Variants in SLC6A14 observed in about 807,000 individuals in gnomAD.
SLC6A14 encodes the protein solute carrier family 6 member 14.
SLC6A14 carries 21 observed loss-of-function variants against 51.4 expected under a neutral mutation model. The observed-to-expected ratio is 0.41, with a 90% CI of 0.29 to 0.59. The LOEUF (loss-of-function observed/expected upper bound fraction) is 0.59. Ranked by LOEUF, SLC6A14 falls within the 20% of genes least tolerant of loss-of-function variation. The pLI is 0.31. For missense variants in SLC6A14, 371 were observed against 472.8 expected, an observed-to-expected ratio of 0.78 and a Z score of 2.00; for synonymous variants, 177 against 160.7, an observed-to-expected ratio of 1.10 and a Z score of -0.77.
chrX:116,454,491 T>G (rs782027241), intron 10 of SLC6A14, 49 bp downstream of exon 10: 1 of 746,797 alleles, frequency 1.3e-6, no homozygotes, highest in Non-Finnish European at 2.0e-6. Flanking sequence ...TGGAACATAC[T>G]TTATAACCTA....
At position 116,443,642 on chromosome X, in the gene SLC6A14, G is replaced by T; in HGVS notation, c.509-1G>T. On this transcript the variant is annotated splice_acceptor_variant, in intron 4 of 13. Transcript: ENST00000598581. LOFTEE classifies it high-confidence loss of function. ...GTGTCTATATTTTTTATCCTCTTTA[G>T]TAACTCACTGTAATGTGAGTACAGT... 8.9e-7 allele frequency: 1 copy of T among 1,122,981 alleles called. No individual in the cohort carries two copies. The highest frequency in any genetic ancestry group is 3.2e-5 in the East Asian group (1 of 30,992). 92.5% of individuals were successfully genotyped at this position (1,122,981 alleles called of 1,213,427 possible).
In SLC6A14 at chrX:116,446,197, A is replaced by C. The variant is rs1341270603; in HGVS notation, c.790-544A>C. Among the ~76,000 whole-genome samples the C allele has an allele frequency of 2.9e-5, 3 of 103,737 alleles. No homozygotes were observed. In the East Asian group the frequency reaches 8.6e-4, roughly 30 times the overall value. The allele number at this position is 103,737 out of a possible 115,157, so 90.1% of individuals were successfully genotyped here. On this transcript the variant is annotated intron_variant, in intron 6 of 13. Transcript: ENST00000598581. ...TGGAACCATGTGTTATCTAGTACAG[A>C]AGCAGAGCACTTGTATGTATGCTAT...
At chrX:116,437,308 G>T (rs1462697509) in intron 1 of SLC6A14, among the ~76,000 whole-genome samples, 1 of 108,409 alleles carries the variant, frequency 9.2e-6, no homozygotes, top group Non-Finnish European at 1.9e-5. Context: ...ATAGATTCTC[G>T]TTTTTTTTTC....
intron 2 of SLC6A14, among the ~76,000 whole-genome samples, chrX:116,438,528 A>C (rs944014672): frequency 3.6e-5 from 4 of 112,293 alleles, no homozygotes; most frequent in African/African-American, 9.7e-5. Flanking sequence ...TTCTAAAATG[A>C]AATAATTTAG....
At position 116,457,669 on chromosome X, in the gene SLC6A14, C is replaced by T. The variant is rs782032055; in HGVS notation, c.1675C>T (p.Pro559Ser). 8.3e-7 allele frequency: 1 copy of T among 1,205,040 alleles called. No homozygotes were observed. Among genetic ancestry groups the T allele is most frequent in the South Asian group, 1.8e-5 (1 of 56,721 alleles). The change falls in exon 13 of 14, where the codon CCT becomes TCT. Residue 559 changes from proline to serine, a missense_variant. Coordinates refer to ENST00000598581, the MANE Select transcript of SLC6A14 (RefSeq NM_007231.5). ...HRPNYGAIPY[P>S]DWGVALGWCM... is the part of the protein sequence containing the mutation. ...ACCTAATTATGGCGCAATTCCATAC[C>T]CTGACTGGGGAGTTGCTTTAGGCTG...
chrX:116,450,133 G>C (rs1344791978), intron 7 of SLC6A14, among the ~76,000 whole-genome samples: 1 of 111,324 alleles, frequency 9.0e-6, no homozygotes, highest in African/African-American at 3.3e-5. Flanking sequence ...TATAGTCAAA[G>C]ATGGATACCT....
chrX:116,442,224 C>T (rs1182175367), intron 3 of SLC6A14, among the ~76,000 whole-genome samples: 1 of 111,535 alleles, frequency 9.0e-6, no homozygotes, highest in Non-Finnish European at 1.9e-5. Context: ...ACAGCATTAG[C>T]CCCTACTCTC....
intron 12 of SLC6A14, among the ~76,000 whole-genome samples, chrX:116,456,588 A>G (rs1010078404): frequency 1.9e-4 from 21 of 111,184 alleles, no homozygotes; most frequent in Non-Finnish European, 3.0e-4. Context: ...TTTAAAATGC[A>G]AAAGTATTAG....
At chrX:116,453,280 T>A in intron 9 of SLC6A14, 138 bp downstream of exon 9, 1 of 438,480 alleles carries the variant, frequency 2.3e-6, no homozygotes, top group Non-Finnish European at 3.5e-6. Context: ...AAAGTTGCTT[T>A]AAATAAAATT....
intron 13 of SLC6A14, among the ~76,000 whole-genome samples, chrX:116,458,233 A>T (rs1486810303): frequency 2.7e-5 from 3 of 111,831 alleles, no homozygotes; most frequent in Non-Finnish European, 5.7e-5. Context: ...CTCGAACCCA[A>T]TCTAGAGCCT....
chrX:116,445,722 A>G (rs1456845381), intron 6 of SLC6A14, among the ~76,000 whole-genome samples: 1 of 111,656 alleles, frequency 9.0e-6, no homozygotes, highest in East Asian at 2.8e-4. Flanking sequence ...AGAAAACAAC[A>G]TGAAATTTTC....
Position 116,443,723 on chromosome X carries a change from A to T in SLC6A14, c.589A>T (p.Asn197Tyr), listed in dbSNP as rs1927646826. The T allele has an allele frequency of 8.3e-7, 1 of 1,207,225 alleles. No homozygotes were observed. The highest frequency in any genetic ancestry group is 1.8e-5 in the South Asian group (1 of 56,489). ...QMNKSWVDIN[N>Y]FTCINGSEIY... Reference sequence around the variant, plus strand: ...GAATAAAAGCTGGGTAGACATCAACAATTTTACCTGCATCAACGGCAGTGA... The same window carrying T: ...GAATAAAAGCTGGGTAGACATCAACTATTTTACCTGCATCAACGGCAGTGA... The change falls in exon 5 of 14, where the codon AAT (asparagine) becomes TAT (tyrosine). Residue 197 changes from asparagine (N) to tyrosine (Y), a missense_variant. Physicochemically the swap from Asn to Tyr is moderately radical, Grantham distance 143. This residue lies in a region of SLC6A14 where 277 missense variants were observed against 391.8 expected (regional missense o/e 0.71). Coordinates refer to ENST00000598581, the MANE Select transcript of SLC6A14 (RefSeq NM_007231.5).
At chrX:116,457,863 A>T in intron 13 of SLC6A14, 87 bp downstream of exon 13, 1 of 686,241 alleles carries the variant, frequency 1.5e-6, no homozygotes, top group Non-Finnish European at 2.2e-6. Flanking sequence ...GTAATATGAG[A>T]TTGTATGAAA....
At position 116,437,870 on chromosome X, in the gene SLC6A14, G is replaced by T. The variant is rs782224268; in HGVS notation, c.129G>T (p.Ser43=). Residue 43 remains serine, a synonymous_variant, in exon 2 of 14, where the codon TCG becomes TCT. Transcript: ENST00000598581. Reference sequence around the variant, plus strand: ...ACCGTGGTAACTGGTCCAAAAAATCGGATTATCTTCTATCTATGATTGGAT... The same window carrying T: ...ACCGTGGTAACTGGTCCAAAAAATCTGATTATCTTCTATCTATGATTGGAT... ...NQDRGNWSKK[S]DYLLSMIGYA... 8.3e-7 allele frequency: 1 copy of T among 1,204,841 alleles called. No individual in the cohort carries two copies. The highest frequency in any genetic ancestry group is 1.8e-5 in the African/African-American group (1 of 56,981).
At chrX:116,443,932 A>G in intron 5 of SLC6A14, 142 bp downstream of exon 5, 1 of 488,234 alleles carries the variant, frequency 2.0e-6, no homozygotes, top group Non-Finnish European at 3.2e-6. Flanking sequence ...TTTAACTCAA[A>G]TGTCTACCTA....
intron 7 of SLC6A14, among the ~76,000 whole-genome samples, chrX:116,450,674 C>T (rs559736822): frequency 2.8e-4 from 31 of 112,158 alleles, no homozygotes; most frequent in African/African-American, 8.7e-4. Flanking sequence ...CGGTTGCTCA[C>T]GCCTGTAATC....
intron 9 of SLC6A14, 103 bp from the exon 10 acceptor site, chrX:116,454,221 T>A (rs1323185601): frequency 1.9e-6 from 1 of 532,520 alleles, no homozygotes; most frequent in African/African-American, 2.3e-5. Context: ...AGAGTCTATT[T>A]TCAACATATA....
chrX:116,443,812 C>T (rs782015399), intron 5 of SLC6A14, 22 bp downstream of exon 5: 27 of 1,100,856 alleles, frequency 2.5e-5, no homozygotes, highest in Non-Finnish European at 1.2e-6. Flanking sequence ...AGATGATTTA[C>T]TTTTAAGTAG....
chrX:116,442,689 G>A lies in SLC6A14; in HGVS notation c.349G>A (p.Val117Met). The A allele has an allele frequency of 9.2e-7, 1 of 1,091,362 alleles. No individual in the cohort carries two copies. The highest frequency in any genetic ancestry group is 2.6e-5 in the South Asian group (1 of 38,233). 89.9% of individuals were successfully genotyped at this position (1,091,362 alleles called of 1,213,427 possible). Reference protein sequence around the residue: ...VWRILPLFQGVGITMVLISIF... With the variant: ...VWRILPLFQGMGITMVLISIF... ...TTTAATTGTTCTTTTTTTTCCAGGTGTGGGAATTACAATGGTCCTGATCTC... is the reference window on the plus strand; with the variant it reads ...TTTAATTGTTCTTTTTTTTCCAGGTATGGGAATTACAATGGTCCTGATCTC... The change falls in exon 4 of 14, where the codon GTG becomes ATG. Residue 117 changes from valine to methionine, a missense_variant and splice_region_variant. By Grantham distance (21) the Val-to-Met change is conservative. Coordinates refer to ENST00000598581, the MANE Select transcript of SLC6A14 (RefSeq NM_007231.5).
Sources: allele counts gnomAD v4.1 joint callset (sites outside exome capture counted in the v4.1 genomes callset), GRCh38; gene constraint gnomAD v4.1.1; regional missense constraint gnomAD v4.1.1; transcripts MANE v1.5; gene names NCBI Gene and HGNC (gene_info 2026-07-23, HGNC 2026-07-21).